The following CFAP54 variants were observed in gnomAD, a reference collection of about 807,000 sequenced individuals.
CFAP54 encodes the protein cilia- and flagella-associated protein 54.
In CFAP54, 290 loss-of-function variants were observed where a neutral mutation model predicts 370.4. The observed-to-expected ratio is 0.78, with a 90% CI of 0.71 to 0.86. The LOEUF (loss-of-function observed/expected upper bound fraction) is 0.86, where lower values mean the gene tolerates loss of function less well. Among genes scored for constraint, CFAP54 ranks in the 40% least tolerant of loss-of-function variants. The pLI is 0.00. For missense variants in CFAP54, 3,399 were observed against 3,528.7 expected (o/e 0.96, Z 0.93); for synonymous variants, 1,206 against 1,236.5 (o/e 0.98, Z 0.52).
At chr12:96,787,047 G>T in intron 62 of CFAP54, 149 bp downstream of exon 62, 1 of 647,056 alleles carries the variant, frequency 1.5e-6, no homozygotes, top group Non-Finnish European at 2.6e-6. Flanking sequence ...TTACCATGTG[G>T]ATAGGCTAAC....
At chr12:96,745,780 G>A (rs112318413) in intron 55 of CFAP54, among the ~76,000 whole-genome samples, 5 of 152,140 alleles carry the variant, frequency 3.3e-5, no homozygotes, top group African/African-American at 7.2e-5. Context: ...AAAAGTTTAA[G>A]AAATAAACTT....
intron 48 of CFAP54, 32 bp downstream of exon 48, chr12:96,708,835 T>C (rs1279901903): frequency 6.5e-7 from 1 of 1,533,722 alleles, no homozygotes; most frequent in Non-Finnish European, 8.9e-7. Context: ...TATTTCTCTT[T>C]CTCCTCCCTT....
intron 50 of CFAP54, among the ~76,000 whole-genome samples, chr12:96,726,256 A>G (rs886787649): frequency 4.6e-5 from 7 of 151,884 alleles, no homozygotes; most frequent in Non-Finnish European, 1.0e-4. Context: ...GAATGGTACC[A>G]GTTCCTCCTT....
chr12:96,820,857 A>G (rs1959024933), intron 65 of CFAP54, among the ~76,000 whole-genome samples: 1 of 152,198 alleles, frequency 6.6e-6, no homozygotes, highest in Admixed American at 6.6e-5. Flanking sequence ...TTTAAGCCAC[A>G]TACCAAATTT....
At chr12:96,665,728 G>A (rs1208491930) in intron 39 of CFAP54, among the ~76,000 whole-genome samples, 2 of 152,142 alleles carry the variant, frequency 1.3e-5, no homozygotes, top group South Asian at 2.1e-4. Flanking sequence ...TAGCCCTGTA[G>A]CATAGTTTTG....
In CFAP54 at chr12:96,629,523, C is replaced by T. The variant is rs1201099406; in HGVS notation, c.4104-570C>T. 3.3e-5 allele frequency among the ~76,000 whole-genome samples: 5 copies of T among 151,544 alleles called. No homozygotes were observed. In the East Asian group the frequency reaches 7.8e-4, roughly 24 times the overall value. ...AGAGACAGGGTTTCACCCTGTTAGC[C>T]AGGATGGTCTCTATCTCCTGACCTC... On this transcript the variant is annotated intron_variant, in intron 30 of 67. Transcript: ENST00000524981.
rs374297032 is a variant in CFAP54 at position 96,791,998 on chromosome 12, C to T, written c.8680-331C>T. Among the ~76,000 whole-genome samples, 30 of 152,052 alleles carry T rather than the reference C, an allele frequency of 2.0e-4. No individual in the cohort carries two copies. The South Asian group carries it at 4.0e-3, about 20-fold the overall frequency. Reference sequence around the variant, plus strand: ...CTGAGTAGCTGGGATTACAGGCGCACGCCACCATGCCCGGCTAATTTTTGT... The same window carrying T: ...CTGAGTAGCTGGGATTACAGGCGCATGCCACCATGCCCGGCTAATTTTTGT... On this transcript the variant is annotated intron_variant, in intron 62 of 67. Transcript: ENST00000524981.
intron 23 of CFAP54, among the ~76,000 whole-genome samples, chr12:96,591,384 C>G (rs1341554380): frequency 2.0e-5 from 3 of 152,020 alleles, no homozygotes; most frequent in African/African-American, 4.8e-5. Flanking sequence ...CAAGCAAAGA[C>G]CACTCATGTG....
intron 67 of CFAP54, among the ~76,000 whole-genome samples, chr12:96,868,619 T>C (rs1960070857): frequency 6.6e-6 from 1 of 152,148 alleles, no homozygotes; most frequent in Non-Finnish European, 1.5e-5. Flanking sequence ...TTGAACTTGC[T>C]CAAAAAAATG....
chr12:96,779,098 T>A, intron 60 of CFAP54, among the ~76,000 whole-genome samples: 1 of 123,764 alleles, frequency 8.1e-6, no homozygotes. Context: ...CACGAGTGAA[T>A]CTCCATCTCA....
chr12:96,570,251 G>C (rs1955902221), intron 19 of CFAP54, among the ~76,000 whole-genome samples: 1 of 151,976 alleles, frequency 6.6e-6, no homozygotes, highest in Admixed American at 6.6e-5. Context: ...TGGGACTACA[G>C]GCATGAGCCA....
intron 51 of CFAP54, among the ~76,000 whole-genome samples, chr12:96,741,006 C>T (rs772851709): frequency 2.2e-4 from 33 of 152,138 alleles, no homozygotes; most frequent in Admixed American, 5.9e-4. Context: ...TGTGACCTAT[C>T]TTTTCATTAG....
In CFAP54 at chr12:96,680,804, C is replaced by T. The variant is rs139444495; in HGVS notation, c.5716+1052C>T. ...ATACATTAACAATGGGTAAGGCTGA[C>T]TGGGCGCCGTGGCTCACGCCTGTAA... is the stretch of plus-strand genomic sequence containing the variant. On this transcript the variant is annotated intron_variant, in intron 40 of 67. Transcript: ENST00000524981. Among the ~76,000 whole-genome samples, 44 of 152,250 alleles carry T rather than the reference C, an allele frequency of 2.9e-4. No individual in the cohort carries two copies. In the East Asian group the frequency reaches 8.5e-3, roughly 29 times the overall value.
At chr12:96,726,513 G>A (rs1957839428) in intron 50 of CFAP54, among the ~76,000 whole-genome samples, 1 of 152,140 alleles carries the variant, frequency 6.6e-6, no homozygotes, top group Non-Finnish European at 1.5e-5. Flanking sequence ...TGTGGGATCG[G>A]TGGTGATAAC....
chr12:96,819,616 T>C (rs1021346936), intron 65 of CFAP54, among the ~76,000 whole-genome samples: 55 of 152,208 alleles, frequency 3.6e-4, no homozygotes, highest in African/African-American at 1.2e-3. Flanking sequence ...ATTAAATCAA[T>C]ATTCAGTGTT....
At chr12:96,691,008 G>A (rs1309370093) in intron 43 of CFAP54, 120 bp from the exon 44 acceptor site, 1 of 779,276 alleles carries the variant, frequency 1.3e-6, no homozygotes, top group Non-Finnish European at 2.0e-6. Flanking sequence ...TTATTACAAA[G>A]TACAGTGTGC....
At chr12:96,667,262 C>T (rs1305619219) in intron 39 of CFAP54, among the ~76,000 whole-genome samples, 2 of 152,098 alleles carry the variant, frequency 1.3e-5, no homozygotes, top group East Asian at 1.9e-4. Flanking sequence ...GGATGGTGGC[C>T]GTCTTCTCAC....
chr12:96,666,552 C>T (rs781577994), intron 39 of CFAP54, among the ~76,000 whole-genome samples: 42 of 152,138 alleles, frequency 2.8e-4, no homozygotes, highest in Admixed American at 1.8e-3. Flanking sequence ...TCTTACATGG[C>T]GGCAAGCTGG....
intron 65 of CFAP54, 40 bp downstream of exon 65, chr12:96,817,953 T>C (rs2136736337): frequency 6.1e-6 from 8 of 1,317,500 alleles, no homozygotes; most frequent in African/African-American, 1.5e-5. Flanking sequence ...TGCTATAGAT[T>C]ATCTTTTATA....
Sources: gnomAD v4.1 joint callset for allele counts (sites outside exome capture counted in the v4.1 genomes callset) on GRCh38, gnomAD v4.1.1 for gene constraint, MANE v1.5 for transcripts, NCBI Gene and HGNC (gene_info 2026-07-23, HGNC 2026-07-21) for gene names.